Variants in FAM107B observed in about 807,000 individuals in gnomAD.
The protein encoded by FAM107B is protein FAM107B.
A neutral mutation model predicts 31.5 loss-of-function variants in FAM107B; 21 were observed. The ratio of observed to expected loss-of-function variants is 0.67; its 90% CI spans 0.47 to 0.96. FAM107B has a LOEUF of 0.96. Ranked by LOEUF, FAM107B falls within the 40% of genes least tolerant of loss-of-function variation. FAM107B has a pLI of 0.00. For missense variants in FAM107B, 452 were observed against 377.1 expected (o/e 1.20, Z -1.64); for synonymous variants, 157 against 141.5 (o/e 1.11, Z -0.78).
At chr10:14,649,640 C>T (rs149550221) in intron 2 of FAM107B, among the ~76,000 whole-genome samples, 1 of 152,210 alleles carries the variant, frequency 6.6e-6, no homozygotes, top group Non-Finnish European at 1.5e-5. Context: ...GGACACCCCC[C>T]ACTTCGAGTT....
intron 2 of FAM107B, among the ~76,000 whole-genome samples, chr10:14,664,447 C>T (rs2131468946): frequency 6.6e-6 from 1 of 152,244 alleles, no homozygotes; most frequent in East Asian, 1.9e-4. Context: ...AACAGTGGAC[C>T]CATAAGAGTA....
intron 1 of FAM107B, among the ~76,000 whole-genome samples, chr10:14,755,651 A>T (rs987905069): frequency 1.3e-5 from 2 of 152,126 alleles, no homozygotes; most frequent in African/African-American, 4.8e-5. Context: ...TTCCTTTTTC[A>T]TCCATCCTTC....
At chr10:14,630,712 A>G (rs1365045722) in intron 2 of FAM107B, among the ~76,000 whole-genome samples, 2 of 151,866 alleles carry the variant, frequency 1.3e-5, no homozygotes, top group African/African-American at 4.8e-5. Context: ...TTAGCCAAGC[A>G]TGATGGCATT....
intron 2 of FAM107B, among the ~76,000 whole-genome samples, chr10:14,603,271 G>C (rs1458957562): frequency 6.6e-6 from 1 of 152,178 alleles, no homozygotes; most frequent in Admixed American, 6.5e-5. Flanking sequence ...AATTTCCAAA[G>C]TGATGTTAGG....
intron 1 of FAM107B, among the ~76,000 whole-genome samples, chr10:14,671,033 A>G (rs1000109088): frequency 1.5e-4 from 23 of 152,016 alleles, no homozygotes; most frequent in Admixed American, 1.2e-3. Context: ...CTGACTCACT[A>G]TCTAGTAAGT....
chr10:14,534,130 T>A (rs1379281032), intron 2 of FAM107B, among the ~76,000 whole-genome samples: 6 of 151,946 alleles, frequency 3.9e-5, no homozygotes, highest in Non-Finnish European at 8.8e-5. Context: ...GAAAAGGGGG[T>A]GCACAGGAGC....
At chr10:14,544,502 A>G (rs1275316036) in intron 2 of FAM107B, among the ~76,000 whole-genome samples, 4 of 152,148 alleles carry the variant, frequency 2.6e-5, no homozygotes, top group African/African-American at 9.7e-5. Flanking sequence ...TTAATCATGA[A>G]GTTTTTCTTA....
intron 2 of FAM107B, among the ~76,000 whole-genome samples, chr10:14,616,948 G>A (rs1312583222): frequency 6.6e-6 from 1 of 151,770 alleles, no homozygotes; most frequent in African/African-American, 2.4e-5. Context: ...AAAAGAGAGA[G>A]AGAGAGAGTA....
At chr10:14,539,921 G>A (rs1848008167) in intron 2 of FAM107B, among the ~76,000 whole-genome samples, 1 of 152,178 alleles carries the variant, frequency 6.6e-6, no homozygotes, top group Non-Finnish European at 1.5e-5. Flanking sequence ...CCTGTGAGTA[G>A]TACCTGGTGG....
chr10:14,556,231 A>T, intron 2 of FAM107B: 2 of 447,802 alleles, frequency 4.5e-6, no homozygotes, highest in Non-Finnish European at 5.9e-6. Flanking sequence ...GTGACTTTCC[A>T]GAGCCCTCGT....
intron 1 of FAM107B, among the ~76,000 whole-genome samples, chr10:14,699,025 G>A (rs1346090929): frequency 6.6e-6 from 1 of 151,610 alleles, no homozygotes; most frequent in East Asian, 2.0e-4. Flanking sequence ...TTGGAGCATG[G>A]AGAGTGGGTA....
rs1264565285 is a variant in FAM107B at position 14,649,041 on chromosome 10, G to A, written c.469+18593C>T. 2.6e-5 allele frequency among the ~76,000 whole-genome samples: 4 copies of A among 152,262 alleles called. No individual in the cohort carries two copies. In the East Asian group the frequency reaches 7.7e-4, roughly 29 times the overall value. ...TATAAAATTCTAAGCCCCACAACCA[G>A]CTGAATGGACCTCTCCTCTTGGCCA... On this transcript the variant is annotated intron_variant, in intron 2 of 4. Coordinates refer to ENST00000181796, the MANE Select transcript of FAM107B (RefSeq NM_031453.4).
At chr10:14,540,279 G>A (rs748473807) in intron 2 of FAM107B, among the ~76,000 whole-genome samples, 19 of 152,178 alleles carry the variant, frequency 1.2e-4, no homozygotes, top group Non-Finnish European at 2.4e-4. Context: ...TGTTTTTTCT[G>A]GTAAGAAGTG....
intron 1 of FAM107B, among the ~76,000 whole-genome samples, chr10:14,758,427 C>A (rs1022889514): frequency 1.3e-5 from 2 of 152,128 alleles, no homozygotes; most frequent in Admixed American, 6.5e-5. Context: ...ATTCTGGCTG[C>A]GTGTTAGAAT....
At chr10:14,660,529 G>A (rs904138308) in intron 2 of FAM107B, among the ~76,000 whole-genome samples, 3 of 152,194 alleles carry the variant, frequency 2.0e-5, no homozygotes, top group Non-Finnish European at 4.4e-5. Context: ...CTCTATAAAA[G>A]TGGTACTATG....
chr10:14,543,251 A>C (rs1414646937), intron 2 of FAM107B, among the ~76,000 whole-genome samples: 1 of 152,224 alleles, frequency 6.6e-6, no homozygotes, highest in East Asian at 1.9e-4. Context: ...TAAAAGAAAT[A>C]ACCCGTCATA....
intron 1 of FAM107B, among the ~76,000 whole-genome samples, chr10:14,688,743 G>C (rs1044384361): frequency 6.6e-6 from 1 of 152,122 alleles, no homozygotes; most frequent in African/African-American, 2.4e-5. Context: ...CCATTTTCCA[G>C]ACATCATTCC....
chr10:14,754,052 AC>A (rs1217425414), intron 1 of FAM107B, among the ~76,000 whole-genome samples: 1 of 147,350 alleles, frequency 6.8e-6, no homozygotes, highest in East Asian at 2.0e-4. Flanking sequence ...GATTCTCCCC[AC>A]TCATCCTCCC....
chr10:14,538,000 C>T (rs542759518), intron 2 of FAM107B, among the ~76,000 whole-genome samples: 1 of 152,110 alleles, frequency 6.6e-6, no homozygotes, highest in Admixed American at 6.5e-5. Context: ...TGCTTAAGAG[C>T]AGGACCAAGA....
Sources: allele counts gnomAD v4.1 joint callset (sites outside exome capture counted in the v4.1 genomes callset), GRCh38; gene constraint gnomAD v4.1.1; transcripts MANE v1.5; gene names NCBI Gene and HGNC (gene_info 2026-07-23, HGNC 2026-07-21).